The following COL9A3 variants were observed in gnomAD, a reference collection of about 807,000 sequenced individuals.
COL9A3 encodes the protein collagen type IX alpha 3 chain.
In COL9A3, 82 loss-of-function variants were observed where a neutral mutation model predicts 110.2. The ratio of observed to expected loss-of-function variants is 0.74; its 90% CI spans 0.62 to 0.89. The LOEUF (loss-of-function observed/expected upper bound fraction) is 0.89, where lower values mean the gene tolerates loss of function less well. Among genes scored for constraint, COL9A3 ranks in the 40% least tolerant of loss-of-function variants. The pLI, the probability that COL9A3 is intolerant of heterozygous loss-of-function variation, is 0.00. For missense variants in COL9A3, 1,066 were observed against 981.3 expected (o/e 1.09, Z -1.15); for synonymous variants, 494 against 403.8 (o/e 1.22, Z -2.68).
chr20:62,840,214 C>T (rs1307638892), intron 31 of COL9A3, among the ~76,000 whole-genome samples: 8 of 151,884 alleles, frequency 5.3e-5, no homozygotes, highest in Non-Finnish European at 1.2e-4. Flanking sequence ...CCCACAACCC[C>T]CCACTCCGGG....
intron 10 of COL9A3, among the ~76,000 whole-genome samples, chr20:62,823,126 C>G (rs1321146151): frequency 7.9e-5 from 12 of 152,224 alleles, no homozygotes; most frequent in Admixed American, 7.9e-4. Flanking sequence ...CGCTTAAGCT[C>G]AGGAGTTTGA....
intron 29 of COL9A3, 182 bp from the exon 30 acceptor site, chr20:62,836,900 AG>A (rs903491570): frequency 3.5e-6 from 3 of 851,242 alleles, no homozygotes; most frequent in African/African-American, 1.7e-5. Context: ...TCAGGCTCCA[AG>A]GGGTTGGGGG....
At position 62,821,104 on chromosome 20, in the gene COL9A3, G is replaced by A. The variant is rs188787001; in HGVS notation, c.310-77G>A. Reference sequence around the variant, plus strand: ...TTGTCCTGGGAGTTGGAGTTGTGACGTCACACTTCAGAGGGAGGGGATTGG... The same window carrying A: ...TTGTCCTGGGAGTTGGAGTTGTGACATCACACTTCAGAGGGAGGGGATTGG... On this transcript the variant is annotated intron_variant, in intron 5 of 31. Coordinates refer to ENST00000649368, the MANE Select transcript of COL9A3 (RefSeq NM_001853.4). 2.5e-5 allele frequency: 37 copies of A among 1,462,652 alleles called. 2 individuals carry two copies. Among genetic ancestry groups the A allele is most frequent in the South Asian group, 2.5e-4 (21 of 84,444 alleles). 90.6% of individuals were successfully genotyped at this position (1,462,652 alleles called of 1,614,324 possible).
chr20:62,817,569 A>G lies in COL9A3; in HGVS notation c.81A>G (p.Arg27=). The G allele has an allele frequency of 6.5e-7, 1 of 1,543,196 alleles. No homozygotes were observed. The highest frequency in any genetic ancestry group is 8.8e-7 in the Non-Finnish European group (1 of 1,141,254). The change falls in exon 2 of 32, where the codon AGA becomes AGG. Residue 27 remains arginine, a splice_region_variant and synonymous_variant. Coordinates refer to ENST00000649368, the MANE Select transcript of COL9A3 (RefSeq NM_001853.4). The stretch of plus-strand genomic sequence containing the variant: ...TTAATGAGTTTTCTCCGTTTCAGAG[A>G]GTGGGACTCCCCGGCCCCCCCGGCC... The part of the protein sequence containing the change: ...GELLAAAGAQ[R]VGLPGPPGPP...
chr20:62,836,193 A>G lies in COL9A3; in HGVS notation c.1408A>G (p.Ser470Gly), dbSNP rs201288335. ...GLVGPKGESG[S>G]RGELGPKGTQ... ...TTCCTCTGTTCCTCTGCAGTCTGGC[A>G]GTCGAGGGGAGCTGGGCCCCAAAGG... The change falls in exon 28 of 32, where the codon AGT becomes GGT. Residue 470 changes from serine (S) to glycine (G), a missense_variant. Physicochemically the swap from Ser to Gly is moderately conservative, Grantham distance 56 (BLOSUM62 0). Transcript: ENST00000649368. 111 of 1,613,296 alleles carry G rather than the reference A, an allele frequency of 6.9e-5. No homozygotes were observed. The Admixed American group carries it at 1.8e-3, about 26-fold the overall frequency.
At chr20:62,822,504 G>C in intron 9 of COL9A3, 87 bp from the exon 10 acceptor site, 2 of 1,418,756 alleles carry the variant, frequency 1.4e-6, no homozygotes, top group Non-Finnish European at 2.0e-6. Context: ...GGAAGGTTGT[G>C]GTCCGTCAGA....
chr20:62,819,987 G>A lies in COL9A3; in HGVS notation c.309+5G>A. 1.2e-6 allele frequency: 2 copies of A among 1,612,546 alleles called. No homozygotes were observed. The highest frequency in any genetic ancestry group is 8.5e-7 in the Non-Finnish European group (1 of 1,179,890). ...AAGGGTGCCCCTGGGGAACGGGTAA[G>A]TGCCTGCGCCGAACCCAGTGGCTTG... is the stretch of plus-strand genomic sequence containing the variant. On this transcript the variant is annotated splice_donor_5th_base_variant and intron_variant, in intron 5 of 31. Transcript: ENST00000649368.
chr20:62,833,036 A>T lies in COL9A3; in HGVS notation c.1340A>T (p.Asp447Val), dbSNP rs774094930. The T allele has an allele frequency of 4.3e-6, 7 of 1,613,860 alleles. No individual in the cohort carries two copies. The highest frequency in any genetic ancestry group is 5.9e-6 in the Non-Finnish European group (7 of 1,179,830). The change falls in exon 26 of 32, where the codon GAC becomes GTC. Residue 447 changes from aspartate (D) to valine (V), a missense_variant. By Grantham distance (152) the Asp-to-Val change is radical. Coordinates refer to ENST00000649368, the MANE Select transcript of COL9A3 (RefSeq NM_001853.4). ...CGTTTTCAGGGTATTGCAGGTTCCG[A>T]CGGTCTTCCTGGGGATAAAGGAGAA... is the stretch of plus-strand genomic sequence containing the variant. ...PKGDQGIAGS[D>V]GLPGDKGELG... is the part of the protein sequence containing the mutation.
At chr20:62,829,907 T>A (rs1208377203) in intron 22 of COL9A3, 88 bp downstream of exon 22, 30 of 1,479,832 alleles carry the variant, frequency 2.0e-5, no homozygotes, top group Non-Finnish European at 2.6e-5. Context: ...GGGGTGGCAT[T>A]TGGTTGCCTT....
chr20:62,817,103 G>A lies in COL9A3; in HGVS notation c.39G>A (p.Leu13=). Residue 13 remains leucine (L), a synonymous_variant, in exon 1 of 32, where the codon CTG becomes CTA. Transcript: ENST00000649368. ...GCGCGTGCGCCCCGCTCCTGCTCCTGCTCCTGCTCGGGGAGCTTCTGGCGG... is the reference window on the plus strand; with the variant it reads ...GCGCGTGCGCCCCGCTCCTGCTCCTACTCCTGCTCGGGGAGCTTCTGGCGG... ...GPRACAPLLL[L]LLLGELLAAA... 1 of 1,405,836 alleles carries A rather than the reference G, an allele frequency of 7.1e-7. No homozygotes were observed. The highest frequency in any genetic ancestry group is 1.4e-5 in the South Asian group (1 of 72,232). The allele number at this position is 1,405,836 out of a possible 1,614,324, so 87.1% of individuals were successfully genotyped here. A position where few individuals can be genotyped will look rare whatever the true frequency, so the allele number is the denominator to read the frequency against.
intron 19 of COL9A3, 94 bp downstream of exon 19, chr20:62,829,070 C>T: frequency 7.3e-7 from 1 of 1,365,316 alleles, no homozygotes; most frequent in South Asian, 1.3e-5. Context: ...CACTGTAGGG[C>T]CGACTCCCTG....
chr20:62,818,492 T>TATG, intron 2 of COL9A3, 26 bp from the exon 3 acceptor site: 1 of 1,611,658 alleles, frequency 6.2e-7, no homozygotes, highest in South Asian at 1.1e-5. Flanking sequence ...ATTTTCAGGG[T>TATG]TACATGTGGG....
At chr20:62,829,061 A>G (rs2147214668) in intron 19 of COL9A3, 85 bp downstream of exon 19, 1 of 1,437,222 alleles carries the variant, frequency 7.0e-7, no homozygotes, top group Non-Finnish European at 9.4e-7. Flanking sequence ...TGGGTTGGTC[A>G]CTGTAGGGCC....
At chr20:62,831,139 A>C (rs1358400115) in intron 24 of COL9A3, 1 of 152,280 alleles carries the variant, frequency 6.6e-6, no homozygotes, top group Non-Finnish European at 1.5e-5. Context: ...ACGTTGCTAT[A>C]AAATAGGTTT....
Position 62,830,729 on chromosome 20 carries a change from C to CCA in COL9A3, c.1287+141_1287+142insCA, listed in dbSNP as rs1568759314. The CCA allele has an allele frequency of 7.3e-6, 3 of 412,660 alleles. 1 individual carries two copies. The highest frequency in any genetic ancestry group is 1.2e-3 in the Middle Eastern group (2 of 1,660). The allele number at this position is 412,660 out of a possible 1,614,324, so 25.6% of individuals were successfully genotyped here. A position where few individuals can be genotyped will look rare whatever the true frequency, so the allele number is the denominator to read the frequency against. On this transcript the variant is annotated intron_variant, in intron 24 of 31. Coordinates refer to ENST00000649368, the MANE Select transcript of COL9A3 (RefSeq NM_001853.4). ...GTCCCCCAACCCCCACCACAGTCCCCACCCCCTACCACAGTCCCCCAACCC... is the reference window on the plus strand; with the variant it reads ...GTCCCCCAACCCCCACCACAGTCCCCCAACCCCCTACCACAGTCCCCCAACCC...
intron 29 of COL9A3, 79 bp from the exon 30 acceptor site, chr20:62,837,004 T>G: frequency 1.3e-6 from 2 of 1,541,612 alleles, no homozygotes; most frequent in Non-Finnish European, 1.8e-6. Flanking sequence ...CAGCACCGTG[T>G]AGATATTTTA....
At chr20:62,821,297 G>A (rs1284195567) in intron 6 of COL9A3, 81 bp downstream of exon 6, 2 of 1,465,004 alleles carry the variant, frequency 1.4e-6, no homozygotes, top group Non-Finnish European at 1.9e-6. Context: ...TGGCCTCCAG[G>A]AATCCCAGGG....
At position 62,837,227 on chromosome 20, in the gene COL9A3, G is replaced by A. The variant is rs201219004; in HGVS notation, c.1748G>A (p.Arg583His). ...HPGARGPPGY[R>H]GPTGELGDPG... ...GGCGCTCGAGGACCCCCTGGATACC[G>A]CGGTCCCACTGGGGAGCTGGGAGAC... Residue 583 changes from arginine to histidine, a missense_variant, in exon 30 of 32, where the codon CGC becomes CAC. Arg to His is a conservative substitution (Grantham distance 29). Transcript: ENST00000649368. The A allele has an allele frequency of 9.5e-5, 153 of 1,611,710 alleles. 1 individual carries two copies. Among genetic ancestry groups the A allele is most frequent in the South Asian group, 8.0e-4 (73 of 91,064 alleles).
At position 62,826,756 on chromosome 20, in the gene COL9A3, C is replaced by A; in HGVS notation, c.739-11C>A. 6.2e-7 allele frequency: 1 copy of A among 1,612,564 alleles called. No homozygotes were observed. Among genetic ancestry groups the A allele is most frequent in the Non-Finnish European group, 8.5e-7 (1 of 1,179,844 alleles). On this transcript the variant is annotated splice_polypyrimidine_tract_variant and intron_variant, in intron 14 of 31. Transcript: ENST00000649368. ...GACAAGAGGACCCCGGATCCCCTCT[C>A]TCCTCTGCAGGGTCCCATTGGGTTC...
Sources: gnomAD v4.1 joint callset for allele counts (sites outside exome capture counted in the v4.1 genomes callset) on GRCh38, gnomAD v4.1.1 for gene constraint, MANE v1.5 for transcripts, NCBI Gene and HGNC (gene_info 2026-07-23, HGNC 2026-07-21) for gene names.